MROH7: variants seen among roughly 807,000 people sequenced by gnomAD.
MROH7 encodes the protein maestro heat-like repeat-containing protein family member 7.
In MROH7, 113 loss-of-function variants were observed where a neutral mutation model predicts 129.2. The ratio of observed to expected loss-of-function variants is 0.87; its 90% CI spans 0.75 to 1.02. The LOEUF (loss-of-function observed/expected upper bound fraction) is 1.02, where lower values mean the gene tolerates loss of function less well. MROH7 is among the 50% of genes least tolerant of loss of function. The pLI is 0.00. For synonymous variants in MROH7, 655 were observed against 667.9 expected, an observed-to-expected ratio of 0.98 and a Z score of 0.30; for missense variants, 1,601 against 1,671.3, an observed-to-expected ratio of 0.96 and a Z score of 0.73.
chr1:54,672,729 A>C (rs1422075536), intron 7 of MROH7, among the ~76,000 whole-genome samples: 1 of 152,126 alleles, frequency 6.6e-6, no homozygotes, highest in African/African-American at 2.4e-5. Context: ...GTGATCTTGG[A>C]CAAGTGTCCC....
intron 12 of MROH7, 22 bp downstream of exon 12, chr1:54,679,461 G>T: frequency 6.2e-7 from 1 of 1,606,224 alleles, no homozygotes; most frequent in Non-Finnish European, 8.5e-7. Context: ...TGGGGGCAGG[G>T]AGTGAACTGT....
chr1:54,670,986 T>C, intron 7 of MROH7, 57 bp downstream of exon 7: 11 of 1,524,774 alleles, frequency 7.2e-6, no homozygotes, highest in Non-Finnish European at 9.7e-6. Context: ...TGGGAGGAGA[T>C]ATGGAGCTGC....
chr1:54,682,906 T>C (rs1222074455), intron 14 of MROH7, 112 bp downstream of exon 14: 1 of 1,233,078 alleles, frequency 8.1e-7, no homozygotes, highest in Non-Finnish European at 1.1e-6. Flanking sequence ...TGCCAGTAAC[T>C]AGTTGTGTGG....
At chr1:54,679,753 C>T in intron 12 of MROH7, 138 bp from the exon 13 acceptor site, 1 of 853,166 alleles carries the variant, frequency 1.2e-6, no homozygotes, top group Non-Finnish European at 1.8e-6. Context: ...CTCTGCTTGC[C>T]TCTTCCTCTC....
At chr1:54,672,999 C>T (rs1644924588) in intron 7 of MROH7, 92 bp from the exon 8 acceptor site, 6 of 821,718 alleles carry the variant, frequency 7.3e-6, no homozygotes, top group Non-Finnish European at 1.2e-5. Context: ...GGTCTTAATT[C>T]CCCCTCCTCC....
intron 1 of MROH7, among the ~76,000 whole-genome samples, chr1:54,643,937 T>A (rs985981020): frequency 1.3e-5 from 2 of 152,236 alleles, no homozygotes; most frequent in Non-Finnish European, 1.5e-5. Context: ...TTATTCAAAT[T>A]GGTGTTCCCC....
chr1:54,642,766 C>T (rs1245102006), intron 1 of MROH7, among the ~76,000 whole-genome samples: 4 of 152,158 alleles, frequency 2.6e-5, no homozygotes, highest in Non-Finnish European at 4.4e-5. Flanking sequence ...CAGGTGCACA[C>T]ATCATGCCTG....
intron 2 of MROH7, 77 bp from the exon 3 acceptor site, chr1:54,652,776 A>T: frequency 1.8e-6 from 2 of 1,084,952 alleles, no homozygotes; most frequent in South Asian, 3.5e-5. Flanking sequence ...AGGGGCTTTC[A>T]TCTTAAGAAT....
intron 19 of MROH7, 98 bp downstream of exon 19, chr1:54,701,420 G>A: frequency 9.2e-7 from 1 of 1,081,498 alleles, no homozygotes. Context: ...ATCAGGACCT[G>A]GGCAGTGTTG....
chr1:54,649,705 G>A (rs1261451697), intron 1 of MROH7, among the ~76,000 whole-genome samples: 1 of 152,224 alleles, frequency 6.6e-6, no homozygotes, highest in African/African-American at 2.4e-5. Context: ...TATTTTCCAG[G>A]TTAAAAATGC....
At chr1:54,692,694 C>G in intron 16 of MROH7, 133 bp downstream of exon 16, 1 of 881,032 alleles carries the variant, frequency 1.1e-6, no homozygotes, top group Middle Eastern at 3.5e-4. Context: ...TTCTCTACAA[C>G]TGGGAGGGTG....
chr1:54,699,177 T>A (rs1421434784), intron 17 of MROH7: 1 of 134,938 alleles, frequency 7.4e-6, no homozygotes, highest in Non-Finnish European at 1.6e-5. Flanking sequence ...CTTTCTTTCT[T>A]TCTTTCTTTC....
chr1:54,650,096 G>A (rs2101059871), intron 1 of MROH7, among the ~76,000 whole-genome samples: 1 of 152,204 alleles, frequency 6.6e-6, no homozygotes, highest in East Asian at 1.9e-4. Flanking sequence ...GTGCCTGGCA[G>A]AGAGGAATAA....
chr1:54,681,811 C>T (rs1391872594), intron 13 of MROH7, among the ~76,000 whole-genome samples: 2 of 152,218 alleles, frequency 1.3e-5, no homozygotes, highest in Non-Finnish European at 2.9e-5. Flanking sequence ...ACTGCCTCCA[C>T]TCTTGCTCCT....
intron 15 of MROH7, 147 bp from the exon 16 acceptor site, chr1:54,692,277 C>A: frequency 2.1e-6 from 2 of 954,970 alleles, no homozygotes; most frequent in South Asian, 3.6e-5. Context: ...TGTAAAAAGC[C>A]ACCCTTTGTG....
Position 54,673,272 on chromosome 1 carries a change from C to A in MROH7, c.1695+86C>A, listed in dbSNP as rs1015187967. 8 of 1,007,638 alleles carry A rather than the reference C, an allele frequency of 7.9e-6. No homozygotes were observed. The Admixed American group carries it at 1.5e-4, about 19-fold the overall frequency. The allele number at this position is 1,007,638 out of a possible 1,614,324, so 62.4% of individuals were successfully genotyped here. On this transcript the variant is annotated intron_variant, in intron 8 of 23. Transcript: ENST00000421030. Reference sequence around the variant, plus strand: ...GGTGCAGGAGCAGTGGAGGCCAGACCTAGGAGTGATTTGGCTTCAGGATGT... The same window carrying A: ...GGTGCAGGAGCAGTGGAGGCCAGACATAGGAGTGATTTGGCTTCAGGATGT...
At chr1:54,679,234 G>A (rs751308294) in intron 11 of MROH7, 29 bp from the exon 12 acceptor site, 6 of 1,613,220 alleles carry the variant, frequency 3.7e-6, no homozygotes, top group African/African-American at 1.3e-5. Flanking sequence ...ACCCATCAGT[G>A]TGTCATGATC....
At chr1:54,682,358 G>A (rs1645084189) in intron 13 of MROH7, among the ~76,000 whole-genome samples, 2 of 151,794 alleles carry the variant, frequency 1.3e-5, no homozygotes, top group South Asian at 4.2e-4. Flanking sequence ...AGTAGAGACG[G>A]GGTTTCACCA....
At chr1:54,655,921 T>A (rs1644637078) in intron 3 of MROH7, among the ~76,000 whole-genome samples, 1 of 144,346 alleles carries the variant, frequency 6.9e-6, no homozygotes, top group Admixed American at 7.0e-5. Flanking sequence ...TGAGATGGAG[T>A]CTTGCTCCGT....
Sources: allele counts gnomAD v4.1 joint callset (sites outside exome capture counted in the v4.1 genomes callset), GRCh38; gene constraint gnomAD v4.1.1; transcripts MANE v1.5; gene names NCBI Gene and HGNC (gene_info 2026-07-23, HGNC 2026-07-21).